The following CADM1 variants were observed in gnomAD, a reference collection of about 807,000 sequenced individuals.
CADM1 encodes cell adhesion molecule 1, also known as TSLC-1.
In CADM1, 15 loss-of-function variants were observed where a neutral mutation model predicts 53.1. The ratio of observed to expected loss-of-function variants is 0.28; its 90% CI spans 0.19 to 0.44. CADM1 has a LOEUF of 0.44. CADM1 is among the 20% of genes least tolerant of loss of function. CADM1 has a pLI of 1.00. For missense variants in CADM1, 434 were observed against 611.3 expected (o/e 0.71, Z 3.06); for synonymous variants, 281 against 243.0 (o/e 1.16, Z -1.45).
At chr11:115,411,415 T>C (rs993182880) in intron 1 of CADM1, among the ~76,000 whole-genome samples, 2 of 152,170 alleles carry the variant, frequency 1.3e-5, no homozygotes, top group Admixed American at 6.5e-5. Flanking sequence ...TCAGATAAAA[T>C]TTCATTACTA....
In CADM1 at chr11:115,340,626, TTATATATATA is replaced by T. The variant is rs869156485; in HGVS notation, c.125-100216_125-100207del. Among the ~76,000 whole-genome samples the T allele has an allele frequency of 7.8e-3, 375 of 48,110 alleles. 9 individuals are homozygous for T. Among genetic ancestry groups the T allele is most frequent in the Middle Eastern group, 0.038 (1 of 26 alleles). The allele number at this position is 48,110 out of a possible 152,430, so 31.6% of individuals were successfully genotyped here. A position where few individuals can be genotyped will look rare whatever the true frequency, so the allele number is the denominator to read the frequency against. On this transcript the variant is annotated intron_variant, in intron 1 of 11. Transcript: ENST00000331581. Reference sequence around the variant, plus strand: ...GTGGAGTCACACAACATAATAAATATTATATATATATATATATATATATATATATATATTT... The same window carrying T: ...GTGGAGTCACACAACATAATAAATATTATATATATATATATATATATATTT...
intron 1 of CADM1, among the ~76,000 whole-genome samples, chr11:115,265,412 G>C (rs1178112684): frequency 6.6e-6 from 1 of 152,136 alleles, no homozygotes; most frequent in Admixed American, 6.5e-5. Flanking sequence ...TGCCAAATCT[G>C]GGAACCTTGG....
chr11:115,173,978 TCAAA>T lies in CADM1; in HGVS notation c.*2492_*2495del. On this transcript the variant is annotated 3_prime_UTR_variant, in exon 12 of 12. Coordinates refer to ENST00000331581, the MANE Select transcript of CADM1 (RefSeq NM_001301043.2). ...ACAAAGTAATACTCAACAATACATT[TCAAA>T]CAGTGCACTGTATACTTAAGAAAAA... is the stretch of plus-strand genomic sequence containing the variant. The T allele has an allele frequency of 2.1e-6, 2 of 957,222 alleles. No individual in the cohort carries two copies. Among genetic ancestry groups the T allele is most frequent in the Non-Finnish European group, 2.5e-6 (2 of 804,224 alleles). The allele number at this position is 957,222 out of a possible 1,614,324, so 59.3% of individuals were successfully genotyped here.
At chr11:115,417,839 C>T (rs759130932) in intron 1 of CADM1, among the ~76,000 whole-genome samples, 17 of 152,146 alleles carry the variant, frequency 1.1e-4, no homozygotes, top group African/African-American at 3.4e-4. Flanking sequence ...CATGGGCAAG[C>T]GGGGGCTACT....
chr11:115,211,709 T>C (rs556221916), intron 7 of CADM1, among the ~76,000 whole-genome samples: 24 of 151,688 alleles, frequency 1.6e-4, no homozygotes, highest in African/African-American at 5.8e-4. Flanking sequence ...CAGGCTGGTC[T>C]CAAACTCCTG....
intron 1 of CADM1, among the ~76,000 whole-genome samples, chr11:115,275,837 C>T (rs549233049): frequency 4.6e-5 from 7 of 152,110 alleles, no homozygotes; most frequent in Admixed American, 6.5e-5. Context: ...TTTCCACTAA[C>T]GGAGACATAT....
chr11:115,236,348 A>T (rs1322641661), intron 3 of CADM1, among the ~76,000 whole-genome samples: 1 of 152,228 alleles, frequency 6.6e-6, no homozygotes, highest in East Asian at 1.9e-4. Flanking sequence ...TCAAACACTG[A>T]TGACAACAAT....
intron 1 of CADM1, among the ~76,000 whole-genome samples, chr11:115,421,981 A>C (rs1947769422): frequency 6.6e-6 from 1 of 152,226 alleles, no homozygotes; most frequent in Non-Finnish European, 1.5e-5. Flanking sequence ...GTATGCTTCC[A>C]GCCCATTCAT....
chr11:115,221,671 T>C (rs1405915066), intron 5 of CADM1, among the ~76,000 whole-genome samples: 1 of 152,192 alleles, frequency 6.6e-6, no homozygotes, highest in Non-Finnish European at 1.5e-5. Flanking sequence ...CAGTTTCCTA[T>C]GTAAATGAAA....
At chr11:115,182,963 C>T (rs1315292710) in intron 10 of CADM1, among the ~76,000 whole-genome samples, 2 of 152,204 alleles carry the variant, frequency 1.3e-5, no homozygotes, top group Non-Finnish European at 2.9e-5. Context: ...TGGGTCACAG[C>T]TTCAACAACC....
intron 8 of CADM1, among the ~76,000 whole-genome samples, chr11:115,202,266 C>T (rs756948093): frequency 1.3e-5 from 2 of 151,896 alleles, no homozygotes; most frequent in Non-Finnish European, 2.9e-5. Flanking sequence ...TCCACTGTGG[C>T]ACATTCTAAT....
intron 10 of CADM1, among the ~76,000 whole-genome samples, chr11:115,181,646 C>A (rs1179007118): frequency 6.6e-6 from 1 of 152,180 alleles, no homozygotes. Context: ...CCTGGGTTTA[C>A]GTGGGAGGTG....
At chr11:115,253,431 G>A (rs149850860) in intron 1 of CADM1, among the ~76,000 whole-genome samples, 273 of 152,278 alleles carry the variant, frequency 1.8e-3, no homozygotes, top group Middle Eastern at 6.8e-3. Context: ...ACTAAGTGGT[G>A]TGCTCCTATG....
intron 1 of CADM1, among the ~76,000 whole-genome samples, chr11:115,384,464 G>T (rs1490735139): frequency 6.6e-6 from 1 of 152,128 alleles, no homozygotes; most frequent in Non-Finnish European, 1.5e-5. Flanking sequence ...GTGTGATTTG[G>T]CAGTCGATTG....
chr11:115,480,223 AAAAACAAAAC>A (rs1170894395), intron 1 of CADM1, among the ~76,000 whole-genome samples: 2 of 152,330 alleles, frequency 1.3e-5, no homozygotes, highest in South Asian at 2.1e-4. Context: ...CACAAAGAAG[AAAAACAAAAC>A]AAAACAAAAA....
chr11:115,437,623 T>C (rs1306826491), intron 1 of CADM1, among the ~76,000 whole-genome samples: 6 of 152,158 alleles, frequency 3.9e-5, no homozygotes, highest in Non-Finnish European at 7.3e-5. Context: ...ATCCCTTAAA[T>C]TATCTTTCAT....
chr11:115,194,563 G>C (rs1940057532), intron 9 of CADM1, among the ~76,000 whole-genome samples: 1 of 152,134 alleles, frequency 6.6e-6, no homozygotes, highest in Non-Finnish European at 1.5e-5. Context: ...AACTCATTGG[G>C]GATATGAAAA....
chr11:115,283,015 C>T (rs961849190), intron 1 of CADM1, among the ~76,000 whole-genome samples: 2 of 151,966 alleles, frequency 1.3e-5, no homozygotes, highest in Non-Finnish European at 2.9e-5. Flanking sequence ...ATGCTCCACA[C>T]GATATACTAA....
In CADM1 at chr11:115,438,729, AG is replaced by A. The variant is rs576498310; in HGVS notation, c.124+65541del. ...CATAATATGGTTTGATCAAAAAAAA[AG>A]GTCCATTTATAGAATGCTTTAGTTG... On this transcript the variant is annotated intron_variant, in intron 1 of 11. Transcript: ENST00000331581. Among the ~76,000 whole-genome samples the A allele has an allele frequency of 2.8e-3, 423 of 152,230 alleles. 1 individual carries two copies. The highest frequency in any genetic ancestry group is 4.8e-3 in the Non-Finnish European group (325 of 68,000).
Sources: allele counts gnomAD v4.1 joint callset (sites outside exome capture counted in the v4.1 genomes callset), GRCh38; gene constraint gnomAD v4.1.1; transcripts MANE v1.5; gene names NCBI Gene and HGNC (gene_info 2026-07-23, HGNC 2026-07-21).